Variants in NAPG observed in about 807,000 individuals in gnomAD.
NAPG encodes the protein NSF attachment protein gamma, also known as gamma-soluble NSF attachment protein.
A neutral mutation model predicts 48.4 loss-of-function variants in NAPG; 25 were observed. The observed-to-expected ratio is 0.52, with a 90% CI of 0.38 to 0.72. The LOEUF (loss-of-function observed/expected upper bound fraction) is 0.72. NAPG is among the 30% of genes least tolerant of loss of function. NAPG has a pLI of 0.00. For synonymous variants in NAPG, 139 were observed against 127.2 expected (o/e 1.09, Z -0.62); for missense variants, 359 against 372.5 (o/e 0.96, Z 0.30).
chr18:10,549,811 C>T (rs1043640218), intron 11 of NAPG, among the ~76,000 whole-genome samples: 43 of 151,832 alleles, frequency 2.8e-4, no homozygotes, highest in African/African-American at 9.4e-4. Context: ...TTCTAAATAA[C>T]GTCTTACATA....
intron 5 of NAPG, among the ~76,000 whole-genome samples, chr18:10,536,465 C>T (rs1360259495): frequency 6.6e-6 from 1 of 152,172 alleles, no homozygotes; most frequent in Non-Finnish European, 1.5e-5. Flanking sequence ...ACCTTTGGTT[C>T]TGTCACTTGA....
rs1363527878 is a variant in NAPG, at chr18:10,543,172, C to T, written c.506+2773C>T. Among the ~76,000 whole-genome samples the T allele has an allele frequency of 6.6e-6, 1 of 151,868 alleles. No individual in the cohort carries two copies. The highest frequency in any genetic ancestry group is 1.9e-4 in the East Asian group (1 of 5,190). On this transcript the variant is annotated intron_variant, in intron 8 of 11. Transcript: ENST00000322897. The surrounding 1 kb of genome is among the most constrained non-coding windows in gnomAD (Gnocchi z 4.4). ...AAAAGAAAAGAAAAGAAAAAAAGAC[C>T]TTTCCAGCAAGTTGATCATGACCTT...
chr18:10,533,087 G>C (rs1175444803), intron 3 of NAPG: 9 of 320,490 alleles, frequency 2.8e-5, no homozygotes, highest in Non-Finnish European at 4.0e-5. Context: ...ATGTGCTGAA[G>C]AATGAAGAAG....
At chr18:10,526,238 G>GGGCTTTCCC in intron 1 of NAPG, 80 bp downstream of exon 1, 1 of 858,074 alleles carries the variant, frequency 1.2e-6, no homozygotes. Context: ...CCCGGGGGGG[G>GGGCTTTCCC]CGGGAGGGAG....
intron 1 of NAPG, 29 bp downstream of exon 1, chr18:10,526,187 T>C: frequency 6.5e-7 from 1 of 1,527,932 alleles, no homozygotes; most frequent in Non-Finnish European, 8.9e-7. Context: ...GGGGCCTGTG[T>C]GTAGACGCCG....
rs149370460 is a variant in NAPG at position 10,535,499 on chromosome 18, G to A, written c.258+1003G>A. ...AGTGAGGTTGGATGTAGTGGCTCAT[G>A]CCTGTAATCCCAGCACTTTGGGAGG... On this transcript the variant is annotated intron_variant, in intron 5 of 11. Coordinates refer to ENST00000322897, the MANE Select transcript of NAPG (RefSeq NM_003826.3). Among the ~76,000 whole-genome samples, 1,311 of 152,338 alleles carry A rather than the reference G, an allele frequency of 8.6e-3. 16 individuals carry two copies. Among genetic ancestry groups the A allele is most frequent in the African/African-American group, 0.03 (1,237 of 41,578 alleles).
rs777662420 is a variant in NAPG at position 10,532,779 on chromosome 18, C to T, written c.193C>T (p.His65Tyr). The change falls in exon 3 of 12, where the codon CAT (histidine) becomes TAT (tyrosine). Residue 65 changes from histidine (H) to tyrosine (Y), a missense_variant. Physicochemically the swap from His to Tyr is moderately conservative, Grantham distance 83 (BLOSUM62 2). Coordinates refer to ENST00000322897, the MANE Select transcript of NAPG (RefSeq NM_003826.3). ...KDACLREAVAHENNRALFHAA... is the reference protein window; with the variant it reads ...KDACLREAVAYENNRALFHAA... ...TGCCTGCCTGAGGGAAGCTGTTGCCCATGAAAATAATAGGGCGTATCTTTT... is the reference window on the plus strand; with the variant it reads ...TGCCTGCCTGAGGGAAGCTGTTGCCTATGAAAATAATAGGGCGTATCTTTT... 5.1e-6 allele frequency: 8 copies of T among 1,582,018 alleles called. No homozygotes were observed. The highest frequency in any genetic ancestry group is 6.0e-6 in the Non-Finnish European group (7 of 1,162,338).
chr18:10,527,401 A>G (rs545196858), intron 1 of NAPG, among the ~76,000 whole-genome samples: 2 of 152,288 alleles, frequency 1.3e-5, no homozygotes, highest in South Asian at 4.1e-4. Flanking sequence ...CAAACAGTGG[A>G]AAAACTCAAG....
At chr18:10,538,491 A>G (rs1433848666) in intron 5 of NAPG, among the ~76,000 whole-genome samples, 1 of 152,356 alleles carries the variant, frequency 6.6e-6, no homozygotes, top group East Asian at 1.9e-4. Context: ...AGATAGAGTC[A>G]TTGGGCTGCC....
Position 10,526,095 on chromosome 18 carries a change from CTG to C in NAPG, c.-5_-4del, listed in dbSNP as rs1205348421. ...CCCTCTCTCCACGTCAGAGACCTGA[CTG>C]TGGAGATGGCGGCTCAGAAGATAAA... On this transcript the variant is annotated 5_prime_UTR_variant, in exon 1 of 12. Transcript: ENST00000322897. 3.9e-5 allele frequency: 63 copies of C among 1,612,810 alleles called. No homozygotes were observed. The highest frequency in any genetic ancestry group is 1.5e-4 in the Admixed American group (9 of 60,006).
At chr18:10,530,448 C>G (rs535092667) in intron 1 of NAPG, among the ~76,000 whole-genome samples, 3 of 152,104 alleles carry the variant, frequency 2.0e-5, no homozygotes, top group Admixed American at 6.5e-5. Context: ...CTCGTTAAAC[C>G]TCAGAGGTGC....
chr18:10,550,232 C>T lies in NAPG; in HGVS notation c.*12C>T. ...GAGGACTATGCTAGTATTTTGCTTG[C>T]TGAAAAGAAAAGGGAAACAAAGGTA... On this transcript the variant is annotated 3_prime_UTR_variant, in exon 12 of 12. Transcript: ENST00000322897. 6.4e-7 allele frequency: 1 copy of T among 1,563,462 alleles called. No individual in the cohort carries two copies.
chr18:10,550,893 T>C lies in NAPG; in HGVS notation c.*673T>C, dbSNP rs965160756. The C allele has an allele frequency of 8.5e-5, 13 of 152,156 alleles. No individual in the cohort carries two copies. The highest frequency in any genetic ancestry group is 3.1e-4 in the African/African-American group (13 of 41,440). The allele number at this position is 152,156 out of a possible 1,614,324, so 9.4% of individuals were successfully genotyped here. Reference sequence around the variant, plus strand: ...CTCTGAAGTGTGGGTATTTCTTCTATCTAAAAAATACATACAGTGACTGTC... The same window carrying C: ...CTCTGAAGTGTGGGTATTTCTTCTACCTAAAAAATACATACAGTGACTGTC... On this transcript the variant is annotated 3_prime_UTR_variant, in exon 12 of 12. Coordinates refer to ENST00000322897, the MANE Select transcript of NAPG (RefSeq NM_003826.3).
At position 10,548,996 on chromosome 18, in the gene NAPG, G is replaced by T; in HGVS notation, c.695G>T (p.Cys232Phe). Residue 232 changes from cysteine (C) to phenylalanine (F), a missense_variant, in exon 11 of 12, where the codon TGT becomes TTT. Physicochemically the swap from Cys to Phe is radical, Grantham distance 205. Transcript: ENST00000322897. The surrounding 1 kb of genome is among the most constrained non-coding windows in gnomAD (Gnocchi z 4.4). ...SIPGFNGSED[C>F]AALEQLLEGY... ...CCTGGGTTCAATGGCAGTGAAGACT[G>T]TGCTGCCCTGGAACAGCTTCTTGAA... 2 of 1,613,908 alleles carry T rather than the reference G, an allele frequency of 1.2e-6. No homozygotes were observed. The highest frequency in any genetic ancestry group is 1.7e-6 in the Non-Finnish European group (2 of 1,179,828).
Position 10,551,706 on chromosome 18 carries a change from A to G in NAPG, c.*1486A>G, listed in dbSNP as rs1464477066. 4 of 152,174 alleles carry G rather than the reference A, an allele frequency of 2.6e-5. No homozygotes were observed. Among genetic ancestry groups the G allele is most frequent in the Non-Finnish European group, 5.9e-5 (4 of 68,038 alleles). The allele number at this position is 152,174 out of a possible 1,614,324, so 9.4% of individuals were successfully genotyped here. A position where few individuals can be genotyped will look rare whatever the true frequency, so the allele number is the denominator to read the frequency against. On this transcript the variant is annotated 3_prime_UTR_variant, in exon 12 of 12. Transcript: ENST00000322897. ...TTTTGCTAGACTTCCTGAAAACACT[A>G]AGGTGGAGTATCAGAAGTGATTTTA... is the stretch of plus-strand genomic sequence containing the variant.
intron 1 of NAPG, chr18:10,526,573 A>C (rs1027601587): frequency 5.4e-6 from 1 of 186,250 alleles, no homozygotes; most frequent in African/African-American, 2.4e-5. Flanking sequence ...TGGCAACCCA[A>C]AATGTCATCT....
chr18:10,539,912 C>CT lies in NAPG; in HGVS notation c.368+46dup. ...ACAAGTCTCTGCATAGAAGTCTTGTCTTTTTGTTTTAAAGAGGTCCCTGAA... is the reference window on the plus strand; with the variant it reads ...ACAAGTCTCTGCATAGAAGTCTTGTCTTTTTTGTTTTAAAGAGGTCCCTGAA... On this transcript the variant is annotated intron_variant, in intron 6 of 11. Transcript: ENST00000322897. The surrounding 1 kb of genome is among the most constrained non-coding windows in gnomAD (Gnocchi z 4.7). The CT allele has an allele frequency of 1.2e-6, 2 of 1,610,164 alleles. No homozygotes were observed. The highest frequency in any genetic ancestry group is 2.2e-5 in the East Asian group (1 of 44,860).
rs188762044 is a variant in NAPG, at chr18:10,539,888, C to G, written c.368+17C>G. 6.2e-7 allele frequency: 1 copy of G among 1,612,266 alleles called. No homozygotes were observed. Among genetic ancestry groups the G allele is most frequent in the Admixed American group, 1.7e-5 (1 of 59,990 alleles). ...AGCTGGAAAGTGAGTGTGAGATGGA[C>G]AAGTCTCTGCATAGAAGTCTTGTCT... On this transcript the variant is annotated intron_variant, in intron 6 of 11. Transcript: ENST00000322897. This position sits in a 1 kb window ranked among gnomAD's most constrained non-coding sequence, Gnocchi z 4.7.
intron 5 of NAPG, among the ~76,000 whole-genome samples, chr18:10,536,359 G>A (rs1386072966): frequency 6.6e-6 from 1 of 152,190 alleles, no homozygotes; most frequent in Non-Finnish European, 1.5e-5. Context: ...CTACCAATTT[G>A]TCATACAAAC....
Sources: gnomAD v4.1 joint callset for allele counts (sites outside exome capture counted in the v4.1 genomes callset) on GRCh38, gnomAD v4.1.1 for gene constraint, Gnocchi (gnomAD v3.1) non-coding constraint, MANE v1.5 for transcripts, NCBI Gene and HGNC (gene_info 2026-07-23, HGNC 2026-07-21) for gene names.